STAB1: variants seen among roughly 807,000 people sequenced by gnomAD.
STAB1 encodes the protein stabilin-1.
STAB1 carries 250 observed loss-of-function variants against 332.4 expected under a neutral mutation model. That is an observed-to-expected ratio of 0.75 (90% CI 0.68 to 0.84). The LOEUF (loss-of-function observed/expected upper bound fraction) is 0.84. STAB1 is among the 40% of genes least tolerant of loss of function. The pLI, the probability that STAB1 is intolerant of heterozygous loss-of-function variation, is 0.00. For missense variants in STAB1, 3,249 were observed against 3,489.7 expected (o/e 0.93, Z 1.74); for synonymous variants, 1,475 against 1,390.4 (o/e 1.06, Z -1.35).
chr3:52,503,362 C>G lies in STAB1; in HGVS notation c.713C>G (p.Pro238Arg), dbSNP rs763957865. The G allele has an allele frequency of 6.2e-7, 1 of 1,612,236 alleles. No homozygotes were observed. Among genetic ancestry groups the G allele is most frequent in the Non-Finnish European group, 8.5e-7 (1 of 1,179,228 alleles). ...CTGGCAGCCCCCAACCCCTGCTGGC[C>G]ATCACCCTGCTCACTGCTGGCCCAG... ...SECRAPNPCW[P>R]SPCSLLAQCS... The change falls in exon 8 of 69, where the codon CCA becomes CGA. Residue 238 changes from proline (P) to arginine (R), a missense_variant. Physicochemically the swap from Pro to Arg is moderately radical, Grantham distance 103. Coordinates refer to ENST00000321725, the MANE Select transcript of STAB1 (RefSeq NM_015136.3).
Position 52,521,413 on chromosome 3 carries a change from C to T in STAB1, c.5961C>T (p.Asp1987=), listed in dbSNP as rs968214796. The stretch of plus-strand genomic sequence containing the variant: ...GTAGTGACCGTGGCGTGTGCATGGA[C>T]GGCATGAGTGGCAGTGGGCAGTGTC... ...SPCSDRGVCM[D]GMSGSGQCLC... Residue 1987 remains aspartate, a synonymous_variant, in exon 56 of 69, where the codon GAC becomes GAT. Transcript: ENST00000321725. The T allele has an allele frequency of 2.0e-5, 32 of 1,613,882 alleles. No individual in the cohort carries two copies. The highest frequency in any genetic ancestry group is 1.6e-4 in the Middle Eastern group (1 of 6,084).
In STAB1 at chr3:52,522,953, G is replaced by A. The variant is rs369409749; in HGVS notation, c.6910+13G>A. The A allele has an allele frequency of 3.4e-5, 55 of 1,609,534 alleles. No individual in the cohort carries two copies. Among genetic ancestry groups the A allele is most frequent in the East Asian group, 6.7e-5 (3 of 44,802 alleles). On this transcript the variant is annotated intron_variant, in intron 62 of 68. Transcript: ENST00000321725. Reference sequence around the variant, plus strand: ...TTCCGTGTGCAAGGTGTGTCCACCCGACCAAACCCTACTTCCCCTGCTCTG... The same window carrying A: ...TTCCGTGTGCAAGGTGTGTCCACCCAACCAAACCCTACTTCCCCTGCTCTG...
chr3:52,509,576 C>G, intron 22 of STAB1: 1 of 591,442 alleles, frequency 1.7e-6, no homozygotes, highest in Non-Finnish European at 3.0e-6. Flanking sequence ...TTCACCCAGG[C>G]CAGGAAGGGA....
chr3:52,514,865 A>C, intron 35 of STAB1, 36 bp downstream of exon 35: 1 of 1,612,762 alleles, frequency 6.2e-7, no homozygotes, highest in South Asian at 1.1e-5. Flanking sequence ...CCGGCACGGG[A>C]GTTCAGAGCT....
At chr3:52,499,573 ATT>A (rs1708282520) in intron 1 of STAB1, among the ~76,000 whole-genome samples, 5 of 152,182 alleles carry the variant, frequency 3.3e-5, no homozygotes, top group African/African-American at 4.8e-5. Context: ...CTGCGACTGT[ATT>A]CTCCATGCAG....
Position 52,495,595 on chromosome 3 carries a change from C to A in STAB1, c.78+104C>A, listed in dbSNP as rs570069748. 18 of 1,055,780 alleles carry A rather than the reference C, an allele frequency of 1.7e-5. No individual in the cohort carries two copies. The East Asian group carries it at 5.5e-4, about 32-fold the overall frequency. The allele number at this position is 1,055,780 out of a possible 1,614,324, so 65.4% of individuals were successfully genotyped here. A position where few individuals can be genotyped will look rare whatever the true frequency, so the allele number is the denominator to read the frequency against. ...GGAGGGGCAGGGGCCTGGGGAGAAA[C>A]CGCAGCTGGCGCCTGTCTGGCCTCT... On this transcript the variant is annotated intron_variant, in intron 1 of 68. Transcript: ENST00000321725.
rs757849036 is a variant in STAB1 at position 52,523,964 on chromosome 3, C to G, written c.7489C>G (p.Leu2497Val). The G allele has an allele frequency of 4.3e-6, 7 of 1,611,610 alleles. No homozygotes were observed. The highest frequency in any genetic ancestry group is 5.9e-6 in the Non-Finnish European group (7 of 1,179,920). ...ACTGCTTGGCTTGGTGGCCGGAGCT[C>G]TCTACCTCCGTGCCCGAGGCAAGCC... ...GALLGLVAGA[L>V]YLRARGKPMG... is the part of the protein sequence containing the mutation. Residue 2497 changes from leucine to valine, a missense_variant, in exon 67 of 69, where the codon CTC becomes GTC. Transcript: ENST00000321725.
chr3:52,513,894 C>T lies in STAB1; in HGVS notation c.3360C>T (p.Pro1120=), dbSNP rs370365365. Residue 1120 remains proline, a synonymous_variant, in exon 32 of 69, where the codon CCC becomes CCT. Coordinates refer to ENST00000321725, the MANE Select transcript of STAB1 (RefSeq NM_015136.3). Reference sequence around the variant, plus strand: ...GTGCTCTGTACCAGGTCTTACTGCCCCCCCGAGGGGATGTGCCCGGTGGGC... The same window carrying T: ...GTGCTCTGTACCAGGTCTTACTGCCTCCCCGAGGGGATGTGCCCGGTGGGC... ...VLHILSQVLL[P]PRGDVPGGQG... 11 of 1,604,578 alleles carry T rather than the reference C, an allele frequency of 6.9e-6. No individual in the cohort carries two copies. The highest frequency in any genetic ancestry group is 6.7e-5 in the African/African-American group (5 of 74,942).
Position 52,521,625 on chromosome 3 carries a change from G to A in STAB1, c.6088G>A (p.Asp2030Asn), listed in dbSNP as rs761228314. ...ACRCTVHGRC[D>N]EGLGGSGSCF... ...CCGCTGCACTGTGCATGGCCGCTGT[G>A]ATGAGGGCCTTGGGGGCTCTGGCTC... is the stretch of plus-strand genomic sequence containing the variant. Residue 2030 changes from aspartate to asparagine, a missense_variant, in exon 57 of 69, where the codon GAT becomes AAT. Coordinates refer to ENST00000321725, the MANE Select transcript of STAB1 (RefSeq NM_015136.3). 25 of 1,613,010 alleles carry A rather than the reference G, an allele frequency of 1.5e-5. 1 individual carries two copies. The South Asian group carries it at 2.7e-4, about 18-fold the overall frequency.
chr3:52,520,336 G>A (rs2079031844), intron 52 of STAB1, 46 bp downstream of exon 52: 1 of 1,612,930 alleles, frequency 6.2e-7, no homozygotes, highest in Non-Finnish European at 8.5e-7. Flanking sequence ...GGAGGCAGGG[G>A]CCCTGGCAGT....
In STAB1 at chr3:52,514,612, C is replaced by T. The variant is rs541388019; in HGVS notation, c.3679-89C>T. ...AACCTCTAACCTCTGCTCCAGGGAG[C>T]CCCCCGGCCCTGGAGTACTGCCTGA... is the stretch of plus-strand genomic sequence containing the variant. On this transcript the variant is annotated intron_variant, in intron 34 of 68. Coordinates refer to ENST00000321725, the MANE Select transcript of STAB1 (RefSeq NM_015136.3). 4.7e-5 allele frequency: 75 copies of T among 1,584,354 alleles called. No homozygotes were observed. The Admixed American group carries it at 6.4e-4, about 14-fold the overall frequency.
In STAB1 at chr3:52,512,911, G is replaced by A. The variant is rs1259580999; in HGVS notation, c.3111G>A (p.Glu1037=). The change falls in exon 29 of 69, where the codon GAG becomes GAA. Residue 1037 remains glutamate, a synonymous_variant. Coordinates refer to ENST00000321725, the MANE Select transcript of STAB1 (RefSeq NM_015136.3). The part of the protein sequence containing the change: ...SEAAVRQLSP[E]DRAFWLQPRT... ...CTGCAGTCCGTCAGCTGAGCCCCGA[G>A]GACCGAGCTTTCTGGCTGCAGCCAA... 1.9e-6 allele frequency: 3 copies of A among 1,612,098 alleles called. No homozygotes were observed. The South Asian group carries it at 3.3e-5, about 18-fold the overall frequency.
At position 52,520,516 on chromosome 3, in the gene STAB1, C is replaced by A; in HGVS notation, c.5616C>A (p.Arg1872=). 6.2e-7 allele frequency: 1 copy of A among 1,612,364 alleles called. No homozygotes were observed. Among genetic ancestry groups the A allele is most frequent in the Non-Finnish European group, 8.5e-7 (1 of 1,179,764 alleles). Residue 1872 remains arginine (R), a synonymous_variant, in exon 53 of 69, where the codon CGC becomes CGA. Transcript: ENST00000321725. ...TGGAGCCACCTGGCCTTGGTGCTCG[C>A]TGTGACCACTTTGAGACCCGGCCCC... ...QLLEPPGLGA[R]CDHFETRPLR... is the part of the protein sequence containing the mutation.
At chr3:52,515,527 C>T (rs1370007441) in intron 37 of STAB1, 21 bp downstream of exon 37, 4 of 1,612,176 alleles carry the variant, frequency 2.5e-6, no homozygotes, top group East Asian at 2.2e-5. Flanking sequence ...AAGCCCCCAC[C>T]CCAAGCCTGT....
intron 1 of STAB1, among the ~76,000 whole-genome samples, chr3:52,497,743 ATC>A (rs1182980659): frequency 6.6e-6 from 1 of 152,146 alleles, no homozygotes; most frequent in Middle Eastern, 3.2e-3. Flanking sequence ...GGACTTGAGC[ATC>A]CACAGATTTT....
chr3:52,516,234 C>G lies in STAB1; in HGVS notation c.4140C>G (p.Thr1380=), dbSNP rs140197399. ...TGGGCCGCTACGGGCCCAACTGCAC[C>G]GGAGGTGAGGACTGGGGAGGGGCGG... ...CELGRYGPNC[T]GVCDCAHGLC... is the part of the protein sequence containing the mutation. The change falls in exon 38 of 69, where the codon ACC becomes ACG. Residue 1380 remains threonine (T), a synonymous_variant. Transcript: ENST00000321725. 42 of 1,063,302 alleles carry G rather than the reference C, an allele frequency of 3.9e-5. No individual in the cohort carries two copies. The highest frequency in any genetic ancestry group is 5.7e-5 in the Non-Finnish European group (40 of 704,184). The allele number at this position is 1,063,302 out of a possible 1,614,324, so 65.9% of individuals were successfully genotyped here.
chr3:52,495,410 A>C lies in STAB1; in HGVS notation c.-4A>C. 7.5e-7 allele frequency: 1 copy of C among 1,340,746 alleles called. No individual in the cohort carries two copies. The highest frequency in any genetic ancestry group is 9.6e-7 in the Non-Finnish European group (1 of 1,038,562). The allele number at this position is 1,340,746 out of a possible 1,614,324, so 83.1% of individuals were successfully genotyped here. A position where few individuals can be genotyped will look rare whatever the true frequency, so the allele number is the denominator to read the frequency against. On this transcript the variant is annotated 5_prime_UTR_variant, in exon 1 of 69. Transcript: ENST00000321725. ...CTCTGTCCTGGACAGCGTGCCCACC[A>C]GCCATGGCGGGGCCCCGGGGCCTCC...
intron 55 of STAB1, 122 bp from the exon 56 acceptor site, chr3:52,521,239 G>A: frequency 7.1e-7 from 1 of 1,406,716 alleles, no homozygotes; most frequent in Non-Finnish European, 9.7e-7. Context: ...TGGGCCTGGA[G>A]GGATCTTAGC....
chr3:52,507,386 C>G (rs756067691), intron 18 of STAB1, among the ~76,000 whole-genome samples: 4 of 152,358 alleles, frequency 2.6e-5, no homozygotes, highest in Non-Finnish European at 5.9e-5. Flanking sequence ...TCCCCTTTCA[C>G]TCACTCTGTG....
Sources: allele counts gnomAD v4.1 joint callset (sites outside exome capture counted in the v4.1 genomes callset), GRCh38; gene constraint gnomAD v4.1.1; transcripts MANE v1.5; gene names NCBI Gene and HGNC (gene_info 2026-07-23, HGNC 2026-07-21).